The following CRTC1 variants were observed in gnomAD, a reference collection of about 807,000 sequenced individuals.
The protein encoded by CRTC1 is CREB-regulated transcription coactivator 1.
A neutral mutation model predicts 66.1 loss-of-function variants in CRTC1; 18 were observed. That is an observed-to-expected ratio of 0.27 (90% CI 0.19 to 0.40). The LOEUF is 0.40. CRTC1 is among the 10% of genes least tolerant of loss of function. CRTC1 has a pLI of 1.00. For synonymous variants in CRTC1, 416 were observed against 398.8 expected, an observed-to-expected ratio of 1.04 and a Z score of -0.51; for missense variants, 669 against 887.9, an observed-to-expected ratio of 0.75 and a Z score of 3.13.
At chr19:18,749,498 C>G (rs1241116391) in intron 4 of CRTC1, among the ~76,000 whole-genome samples, 1 of 152,266 alleles carries the variant, frequency 6.6e-6, no homozygotes, top group Non-Finnish European at 1.5e-5. Flanking sequence ...TTCCTGGGCT[C>G]AAGTGATCCT....
intron 1 of CRTC1, among the ~76,000 whole-genome samples, chr19:18,692,850 C>T (rs996026947): frequency 1.7e-4 from 26 of 151,884 alleles, no homozygotes; most frequent in Non-Finnish European, 2.4e-4. Context: ...CCGAGGCAGG[C>T]GGATCACAAG....
rs748466051 is a variant in CRTC1, at chr19:18,753,514, G to A, written c.553G>A (p.Val185Ile). Residue 185 changes from valine to isoleucine, a missense_variant, in exon 6 of 14, where the codon GTC becomes ATC. Physicochemically the swap from Val to Ile is conservative, Grantham distance 29. Coordinates refer to ENST00000321949, the MANE Select transcript of CRTC1 (RefSeq NM_015321.3). ...VHQKRVLLLT[V>I]PGMEETTSEA... ...CACCTCCCCAGTCTTACTGTTAACA[G>A]TCCCAGGAATGGAAGAGACCACATC... 3.1e-6 allele frequency: 5 copies of A among 1,611,474 alleles called. No homozygotes were observed. The South Asian group carries it at 5.5e-5, about 18-fold the overall frequency.
At chr19:18,722,121 C>CT (rs2053642315) in intron 1 of CRTC1, among the ~76,000 whole-genome samples, 1 of 152,248 alleles carries the variant, frequency 6.6e-6, no homozygotes, top group Non-Finnish European at 1.5e-5. Context: ...CATCCGCTGA[C>CT]TAAGTTCCAG....
intron 1 of CRTC1, among the ~76,000 whole-genome samples, chr19:18,685,615 T>TTACTG (rs1457188819): frequency 1.9e-4 from 29 of 152,158 alleles, no homozygotes; most frequent in African/African-American, 7.0e-4. Flanking sequence ...CGAGATCATG[T>TTACTG]TACTGTACTC....
rs767894183 is a variant in CRTC1, at chr19:18,749,799, C to T, written c.462C>T (p.Ala154=). 3 of 1,613,964 alleles carry T rather than the reference C, an allele frequency of 1.9e-6. No homozygotes were observed. The highest frequency in any genetic ancestry group is 2.5e-6 in the Non-Finnish European group (3 of 1,179,986). ...TSWRRTNSDS[A]LHQSTMTPTQ... is the part of the protein sequence containing the mutation. ...CCACCAGGACCAATTCTGACTCCGC[C>T]CTGCACCAGAGCACAATGACGCCCA... is the stretch of plus-strand genomic sequence containing the variant. Residue 154 remains alanine, a synonymous_variant, in exon 5 of 14, where the codon GCC becomes GCT. Coordinates refer to ENST00000321949, the MANE Select transcript of CRTC1 (RefSeq NM_015321.3).
Position 18,735,433 on chromosome 19 carries a change from T to C in CRTC1, c.127-7477T>C, listed in dbSNP as rs577595141. ...CCCGGGGAGCGGGGGATCCTGAGCA[T>C]GGCACTGGATCGAGGCGCACGCCAG... On this transcript the variant is annotated intron_variant, in intron 1 of 13. Transcript: ENST00000321949. Among the ~76,000 whole-genome samples the C allele has an allele frequency of 7.5e-4, 114 of 152,292 alleles. 1 individual carries two copies. The highest frequency in any genetic ancestry group is 2.7e-3 in the African/African-American group (113 of 41,572).
At position 18,775,668 on chromosome 19, in the gene CRTC1, G is replaced by T. The variant is rs777883019; in HGVS notation, c.1540G>T (p.Ala514Ser). 1 of 1,605,606 alleles carries T rather than the reference G, an allele frequency of 6.2e-7. No homozygotes were observed. Among genetic ancestry groups the T allele is most frequent in the Admixed American group, 1.7e-5 (1 of 58,394 alleles). Reference sequence around the variant, plus strand: ...GGAGCAGTTCAACATGATGGAGAACGCCATCAGCTCCAGCAGCCTGTACAG... The same window carrying T: ...GGAGCAGTTCAACATGATGGAGAACTCCATCAGCTCCAGCAGCCTGTACAG... ...QLEQFNMMEN[A>S]ISSSSLYSPG... The change falls in exon 13 of 14, where the codon GCC becomes TCC. Residue 514 changes from alanine to serine, a missense_variant. Physicochemically the swap from Ala to Ser is moderately conservative, Grantham distance 99. Around this residue, in one of 8 missense-constraint regions of CRTC1, gnomAD observed 79 missense variants for 100.1 expected, o/e 0.79. Coordinates refer to ENST00000321949, the MANE Select transcript of CRTC1 (RefSeq NM_015321.3).
intron 1 of CRTC1, among the ~76,000 whole-genome samples, chr19:18,711,426 G>A (rs1168091214): frequency 6.6e-6 from 1 of 152,168 alleles, no homozygotes; most frequent in Non-Finnish European, 1.5e-5. Context: ...CCAGGAATCC[G>A]GGCCCTGAGT....
intron 7 of CRTC1, 75 bp downstream of exon 7, chr19:18,759,666 C>A: frequency 6.6e-7 from 1 of 1,526,442 alleles, no homozygotes; most frequent in Non-Finnish European, 9.0e-7. Flanking sequence ...ATTCTGTCCA[C>A]TCTCTTGAGG....
chr19:18,759,885 G>T, intron 7 of CRTC1, 123 bp from the exon 8 acceptor site: 2 of 832,426 alleles, frequency 2.4e-6, no homozygotes, highest in South Asian at 1.7e-5. Context: ...GGTTTCCCAA[G>T]CACACGGCAC....
At chr19:18,726,230 T>C (rs1325285936) in intron 1 of CRTC1, among the ~76,000 whole-genome samples, 1 of 152,250 alleles carries the variant, frequency 6.6e-6, no homozygotes, top group African/African-American at 2.4e-5. Flanking sequence ...GCCAAATGGC[T>C]CAGCCGGCGC....
In CRTC1 at chr19:18,712,552, A is replaced by G. The variant is rs28556809; in HGVS notation, c.126+28724A>G. Among the ~76,000 whole-genome samples, 350 of 152,196 alleles carry G rather than the reference A, an allele frequency of 2.3e-3. 1 individual carries two copies. Among genetic ancestry groups the G allele is most frequent in the African/African-American group, 8.1e-3 (336 of 41,518 alleles). ...TGGGATTATAGGCATGAGCCACCAT[A>G]CCCAGCCCTAATTAGCCATGTTAAA... On this transcript the variant is annotated intron_variant, in intron 1 of 13. Transcript: ENST00000321949.
intron 1 of CRTC1, among the ~76,000 whole-genome samples, chr19:18,699,261 G>T (rs1174439877): frequency 1.3e-5 from 2 of 152,208 alleles, no homozygotes; most frequent in Non-Finnish European, 2.9e-5. Context: ...GGTGTGCGGG[G>T]TCTTCTCAAT....
At chr19:18,751,176 G>A (rs907507092) in intron 5 of CRTC1, among the ~76,000 whole-genome samples, 4 of 152,300 alleles carry the variant, frequency 2.6e-5, no homozygotes, top group South Asian at 2.1e-4. Flanking sequence ...TGTGCTCATC[G>A]TGGGTCTCCC....
Position 18,745,833 on chromosome 19 carries a change from A to C in CRTC1, c.254A>C (p.Gln85Pro), listed in dbSNP as rs2054221434. ...CTCCTCCTCCCCCAGACCCCCTTCC[A>C]ATCCTCGGGCCTGGACACCAGCCGG... ...TMDLPFQTPF[Q>P]SSGLDTSRTT... is the part of the protein sequence containing the mutation. The change falls in exon 3 of 14, where the codon CAA becomes CCA. Residue 85 changes from glutamine to proline, a missense_variant. By Grantham distance (76) the Gln-to-Pro change is moderately conservative. Coordinates refer to ENST00000321949, the MANE Select transcript of CRTC1 (RefSeq NM_015321.3). 1 of 1,613,674 alleles carries C rather than the reference A, an allele frequency of 6.2e-7. No homozygotes were observed. Among genetic ancestry groups the C allele is most frequent in the African/African-American group, 1.3e-5 (1 of 74,892 alleles).
At chr19:18,761,624 G>A (rs2054616409) in intron 8 of CRTC1, among the ~76,000 whole-genome samples, 2 of 152,216 alleles carry the variant, frequency 1.3e-5, no homozygotes, top group African/African-American at 2.4e-5. Flanking sequence ...TGGGAGGGGC[G>A]GCCACTGGAG....
intron 1 of CRTC1, among the ~76,000 whole-genome samples, chr19:18,687,091 C>G (rs1273455409): frequency 6.7e-6 from 1 of 148,384 alleles, no homozygotes; most frequent in East Asian, 2.0e-4. Context: ...TCTCGGCTCA[C>G]TGCAACCTCT....
In CRTC1 at chr19:18,777,942, A is replaced by G; in HGVS notation, c.*560A>G. ...GCAGACGCAAAGTGAAATAAACACTATTTTGACGGCTGTCTTTTATATTTC... is the reference window on the plus strand; with the variant it reads ...GCAGACGCAAAGTGAAATAAACACTGTTTTGACGGCTGTCTTTTATATTTC... On this transcript the variant is annotated 3_prime_UTR_variant, in exon 14 of 14. Coordinates refer to ENST00000321949, the MANE Select transcript of CRTC1 (RefSeq NM_015321.3). The surrounding 1 kb of genome is among the most constrained non-coding windows in gnomAD (Gnocchi z 5.5). The G allele has an allele frequency of 4.0e-6, 1 of 248,778 alleles. No homozygotes were observed. 15.4% of individuals were successfully genotyped at this position (248,778 alleles called of 1,614,324 possible).
In CRTC1 at chr19:18,774,973, C is replaced by T. The variant is rs961756526; in HGVS notation, c.1499C>T (p.Ala500Val). The change falls in exon 12 of 14, where the codon GCT becomes GTT. Residue 500 changes from alanine to valine, a missense_variant. Physicochemically the swap from Ala to Val is moderately conservative, Grantham distance 64. Coordinates refer to ENST00000321949, the MANE Select transcript of CRTC1 (RefSeq NM_015321.3). ...CAGATGGCGGCCAGGCAGGCCAATG[C>T]TCTGTCCCACCAGGTGAGCGGGCGC... ...EQQMAARQAN[A>V]LSHQLEQFNM... 4 of 1,606,086 alleles carry T rather than the reference C, an allele frequency of 2.5e-6. No individual in the cohort carries two copies. Among genetic ancestry groups the T allele is most frequent in the African/African-American group, 2.7e-5 (2 of 74,910 alleles).
Sources: allele counts gnomAD v4.1 joint callset (sites outside exome capture counted in the v4.1 genomes callset), GRCh38; gene constraint gnomAD v4.1.1; regional missense constraint gnomAD v4.1.1; non-coding constraint Gnocchi (gnomAD v3.1); transcripts MANE v1.5; gene names NCBI Gene and HGNC (gene_info 2026-07-23, HGNC 2026-07-21).